Variants in UBIAD1 observed in about 807,000 individuals in gnomAD.
UBIAD1 encodes the protein UbiA prenyltransferase domain containing 1.
Under a neutral mutation model 20.1 loss-of-function variants are expected in UBIAD1, and 12 were observed. The ratio of observed to expected loss-of-function variants is 0.60; its 90% CI spans 0.38 to 0.97. The LOEUF is 0.97. Among genes scored for constraint, UBIAD1 ranks in the 50% least tolerant of loss-of-function variants. The probability of loss-of-function intolerance (pLI) is 0.00; values close to 1 mark genes in which losing one functional copy is unlikely to be tolerated. For synonymous variants in UBIAD1, 207 were observed against 189.2 expected (o/e 1.09, Z -0.77); for missense variants, 333 against 419.5 (o/e 0.79, Z 1.80).
rs977700528 is a variant in UBIAD1, at chr1:11,286,914, C to T, written c.*783C>T. On this transcript the variant is annotated 3_prime_UTR_variant, in exon 2 of 2. Transcript: ENST00000376810. ...ATCTACTAGAGTGACAGGAAGGACT[C>T]CCAGCCCTTTCAGTAACTATCAGGA... 1 of 152,436 alleles carries T rather than the reference C, an allele frequency of 6.6e-6. No homozygotes were observed. The highest frequency in any genetic ancestry group is 1.5e-5 in the Non-Finnish European group (1 of 68,246). 9.4% of individuals were successfully genotyped at this position (152,436 alleles called of 1,614,324 possible). A position where few individuals can be genotyped will look rare whatever the true frequency, so the allele number is the denominator to read the frequency against.
At position 11,273,570 on chromosome 1, in the gene UBIAD1, C is replaced by T. The variant is rs1417807979; in HGVS notation, c.39C>T (p.Ile13=). The T allele has an allele frequency of 3.7e-6, 6 of 1,613,436 alleles. No homozygotes were observed. In the South Asian group the frequency reaches 4.4e-5, roughly 12 times the overall value. Residue 13 remains isoleucine, a synonymous_variant, in exon 1 of 2, where the codon ATC becomes ATT. Transcript: ENST00000376810. The surrounding 1 kb of genome is among the most constrained non-coding windows in gnomAD (Gnocchi z 4.9). ...AGGTCCTGGGGGAGAAGATTAACATCCTGTCGGGAGAGACTGTCAAAGCTG... is the reference window on the plus strand; with the variant it reads ...AGGTCCTGGGGGAGAAGATTAACATTCTGTCGGGAGAGACTGTCAAAGCTG... ...ASQVLGEKIN[I]LSGETVKAGD... is the part of the protein sequence containing the mutation.
In UBIAD1 at chr1:11,288,309, GT is replaced by G. The variant is rs1186770903; in HGVS notation, c.*2180del. 1 of 152,204 alleles carries G rather than the reference GT, an allele frequency of 6.6e-6. No individual in the cohort carries two copies. Among genetic ancestry groups the G allele is most frequent in the Non-Finnish European group, 1.5e-5 (1 of 68,036 alleles). The allele number at this position is 152,204 out of a possible 1,614,324, so 9.4% of individuals were successfully genotyped here. A position where few individuals can be genotyped will look rare whatever the true frequency, so the allele number is the denominator to read the frequency against. The stretch of plus-strand genomic sequence containing the variant: ...TTAATGCATATTTTTATATATAAAT[GT>G]TCCCAAAGGCCAAATTTGTTGCCAG... On this transcript the variant is annotated 3_prime_UTR_variant, in exon 2 of 2. Transcript: ENST00000376810.
At chr1:11,296,611 C>G (rs867398040), downstream of UBIAD1, among the ~76,000 whole-genome samples, 12 of 152,270 alleles carry the variant, frequency 7.9e-5, no homozygotes, top group Middle Eastern at 3.4e-3. Flanking sequence ...CTCAACCTCC[C>G]TGGGCTCAGG....
chr1:11,290,716 C>CT (rs1638353801), downstream of UBIAD1, among the ~76,000 whole-genome samples: 1 of 152,158 alleles, frequency 6.6e-6, no homozygotes, highest in African/African-American at 2.4e-5. Flanking sequence ...TGGTGGCTTA[C>CT]GCCTGTAATC....
At chr1:11,274,428 A>T (rs1462693055) in intron 1 of UBIAD1, among the ~76,000 whole-genome samples, 1 of 151,610 alleles carries the variant, frequency 6.6e-6, no homozygotes, top group South Asian at 2.1e-4. Context: ...CCTCCCGAGT[A>T]GCTGGGACTA....
intron 1 of UBIAD1, among the ~76,000 whole-genome samples, chr1:11,284,065 A>G (rs1203338984): frequency 1.3e-5 from 2 of 152,222 alleles, no homozygotes; most frequent in African/African-American, 2.4e-5. Flanking sequence ...AGCCAGACAC[A>G]TGTCCTGCCC....
Position 11,285,920 on chromosome 1 carries a change from A to G in UBIAD1, c.806A>G (p.Tyr269Cys). ...TACAACACACTGCTCTTCCTGCCCT[A>G]CCTGGTCTTCAGCATCCTGGCCACA... ...ILYNTLLFLP[Y>C]LVFSILATHC... The change falls in exon 2 of 2, where the codon TAC (tyrosine) becomes TGC (cysteine). Residue 269 changes from tyrosine (Y) to cysteine (C), a missense_variant. Transcript: ENST00000376810. The surrounding 1 kb of genome is among the most constrained non-coding windows in gnomAD (Gnocchi z 4.4). 6.2e-7 allele frequency: 1 copy of G among 1,614,026 alleles called. No individual in the cohort carries two copies.
chr1:11,286,698 C>T lies in UBIAD1; in HGVS notation c.*567C>T, dbSNP rs976579362. On this transcript the variant is annotated 3_prime_UTR_variant, in exon 2 of 2. Transcript: ENST00000376810. ...AGCCTGTGTGGCTGTCAGCTTTTTGCCTAAATTGTGATTCAGATGCTTTTG... is the reference window on the plus strand; with the variant it reads ...AGCCTGTGTGGCTGTCAGCTTTTTGTCTAAATTGTGATTCAGATGCTTTTG... The T allele has an allele frequency of 6.3e-6, 1 of 159,326 alleles. No homozygotes were observed. Among genetic ancestry groups the T allele is most frequent in the Non-Finnish European group, 1.4e-5 (1 of 72,148 alleles). 9.9% of individuals were successfully genotyped at this position (159,326 alleles called of 1,614,324 possible). A position where few individuals can be genotyped will look rare whatever the true frequency, so the allele number is the denominator to read the frequency against.
chr1:11,294,838 C>T (rs1179458028), intron 1 of UBIAD1: 6 of 717,496 alleles, frequency 8.4e-6, no homozygotes, highest in Non-Finnish European at 1.6e-5. Context: ...CCTGTCCCCT[C>T]ATCTGTCTGT....
At chr1:11,283,994 T>C (rs1434525430) in intron 1 of UBIAD1, among the ~76,000 whole-genome samples, 1 of 152,222 alleles carries the variant, frequency 6.6e-6, no homozygotes, top group Non-Finnish European at 1.5e-5. Context: ...AGGTGCTTGT[T>C]ACTGTAGCTC....
downstream of UBIAD1, among the ~76,000 whole-genome samples, chr1:11,299,292 C>T (rs573788559): frequency 3.7e-4 from 57 of 152,188 alleles, no homozygotes; most frequent in Admixed American, 1.0e-3. Context: ...AAGCTTTCTC[C>T]GTGCTTTTCT....
At chr1:11,277,008 A>C (rs771294406) in intron 1 of UBIAD1, among the ~76,000 whole-genome samples, 4 of 152,100 alleles carry the variant, frequency 2.6e-5, no homozygotes, top group Non-Finnish European at 5.9e-5. Context: ...AGGCTGAGGC[A>C]GGCAGATCAC....
intron 1 of UBIAD1, among the ~76,000 whole-genome samples, chr1:11,283,383 C>T (rs1314920071): frequency 6.6e-6 from 1 of 152,020 alleles, no homozygotes; most frequent in Non-Finnish European, 1.5e-5. Context: ...TGGGTGTAGT[C>T]CCTTAAATGT....
chr1:11,278,503 C>T (rs1199155395), intron 1 of UBIAD1: 4 of 482,438 alleles, frequency 8.3e-6, no homozygotes, highest in Non-Finnish European at 1.3e-5. Context: ...GTTTACCAGC[C>T]GGAGTTCTTT....
chr1:11,273,361 G>A lies in UBIAD1; in HGVS notation c.-171G>A. On this transcript the variant is annotated 5_prime_UTR_variant, in exon 1 of 2. It adds an upstream start codon to the 5' untranslated region. Transcript: ENST00000376810. This position sits in a 1 kb window ranked among gnomAD's most constrained non-coding sequence, Gnocchi z 4.9. ...GGGCGGCGCCGCTTGGCCTCGTGGG[G>A]TGTAAGACCCACTTGCTGTTGCCCC... 1 of 748,290 alleles carries A rather than the reference G, an allele frequency of 1.3e-6. No individual in the cohort carries two copies. The highest frequency in any genetic ancestry group is 1.7e-5 in the South Asian group (1 of 59,396). The allele number at this position is 748,290 out of a possible 1,614,324, so 46.4% of individuals were successfully genotyped here. A position where few individuals can be genotyped will look rare whatever the true frequency, so the allele number is the denominator to read the frequency against.
At chr1:11,294,421 C>CA (rs779779105) in intron 1 of UBIAD1, among the ~76,000 whole-genome samples, 12 of 152,216 alleles carry the variant, frequency 7.9e-5, no homozygotes, top group Admixed American at 3.3e-4. Context: ...GTTGGGACTA[C>CA]AGGTGTGAGC....
intron 1 of UBIAD1, among the ~76,000 whole-genome samples, chr1:11,284,325 G>A (rs1445785402): frequency 1.3e-5 from 2 of 152,056 alleles, no homozygotes; most frequent in African/African-American, 4.8e-5. Flanking sequence ...GGGGAGGAGA[G>A]CTCAAGGTGA....
downstream of UBIAD1, among the ~76,000 whole-genome samples, chr1:11,289,623 C>T (rs1638332480): frequency 3.3e-5 from 5 of 151,922 alleles, no homozygotes; most frequent in South Asian, 2.1e-4. Context: ...AATGGAGTGG[C>T]GTGATCTCGG....
chr1:11,277,484 C>A (rs895129435), intron 1 of UBIAD1, among the ~76,000 whole-genome samples: 1 of 151,894 alleles, frequency 6.6e-6, no homozygotes, highest in South Asian at 2.1e-4. Flanking sequence ...GTTGGCCAGG[C>A]TGGTCTCTCT....
Sources: allele counts gnomAD v4.1 joint callset (sites outside exome capture counted in the v4.1 genomes callset), GRCh38; gene constraint gnomAD v4.1.1; non-coding constraint Gnocchi (gnomAD v3.1); transcripts MANE v1.5; gene names NCBI Gene and HGNC (gene_info 2026-07-23, HGNC 2026-07-21).